SEC22A: variants seen among roughly 807,000 people sequenced by gnomAD.
SEC22A encodes the protein SEC22 homolog A, vesicle trafficking protein, also known as vesicle-trafficking protein SEC22a.
In SEC22A, 22 loss-of-function variants were observed where a neutral mutation model predicts 35.3. The ratio of observed to expected loss-of-function variants is 0.62; its 90% CI spans 0.45 to 0.89. SEC22A has a LOEUF of 0.89. Ranked by LOEUF, SEC22A falls within the 40% of genes least tolerant of loss-of-function variation. The pLI is 0.00. For missense variants in SEC22A, 354 were observed against 362.5 expected (o/e 0.98, Z 0.19); for synonymous variants, 119 against 129.5 (o/e 0.92, Z 0.55).
In SEC22A at chr3:123,212,034, C is replaced by T. The variant is rs115750193; in HGVS notation, c.182+2635C>T. ...ATCTCACCCCTGCATTCCAGGGTGA[C>T]AGAGCAAGACCCTGTCTCAAAAAAT... On this transcript the variant is annotated intron_variant, in intron 2 of 6. Transcript: ENST00000492595. Among the ~76,000 whole-genome samples the T allele has an allele frequency of 5.8e-3, 883 of 152,108 alleles. 8 individuals are homozygous for T. Among genetic ancestry groups the T allele is most frequent in the African/African-American group, 0.02 (830 of 41,500 alleles).
chr3:123,215,530 C>T (rs947376545), intron 2 of SEC22A, among the ~76,000 whole-genome samples: 1 of 152,082 alleles, frequency 6.6e-6, no homozygotes, highest in African/African-American at 2.4e-5. Flanking sequence ...TACAGAATGG[C>T]GCTGAAGGTA....
chr3:123,223,207 C>A (rs1185195227), intron 2 of SEC22A, among the ~76,000 whole-genome samples: 1 of 152,130 alleles, frequency 6.6e-6, no homozygotes, highest in African/African-American at 2.4e-5. Context: ...GGGTTCTGGA[C>A]TCAAAAGTGG....
At chr3:123,230,362 G>A (rs1270108902) in intron 4 of SEC22A, among the ~76,000 whole-genome samples, 1 of 151,988 alleles carries the variant, frequency 6.6e-6, no homozygotes, top group Non-Finnish European at 1.5e-5. Flanking sequence ...AATGAAGGAA[G>A]CCAGAAAGAT....
chr3:123,249,783 C>G (rs958845261), intron 5 of SEC22A, among the ~76,000 whole-genome samples: 3 of 152,116 alleles, frequency 2.0e-5, no homozygotes, highest in African/African-American at 7.2e-5. Flanking sequence ...CTTGGCCTCC[C>G]AAAGTGCTGG....
chr3:123,255,836 A>G (rs1210360701), intron 5 of SEC22A, among the ~76,000 whole-genome samples: 1 of 151,952 alleles, frequency 6.6e-6, no homozygotes, highest in African/African-American at 2.4e-5. Context: ...CTTATTTTGA[A>G]AGAATTCAAA....
Position 123,245,881 on chromosome 3 carries a change from A to G in SEC22A, c.542-18A>G, listed in dbSNP as rs1471831081. 1 of 1,416,136 alleles carries G rather than the reference A, an allele frequency of 7.1e-7. No individual in the cohort carries two copies. Among genetic ancestry groups the G allele is most frequent in the Admixed American group, 1.7e-5 (1 of 57,702 alleles). The allele number at this position is 1,416,136 out of a possible 1,614,324, so 87.7% of individuals were successfully genotyped here. On this transcript the variant is annotated intron_variant, in intron 4 of 6. Transcript: ENST00000492595. ...GAGGTATTGGTGTTCATTTCTAACT[A>G]TTTCTTTTATTTTCCAGCTCACCAG...
chr3:123,209,632 A>G (rs931403743), intron 2 of SEC22A, among the ~76,000 whole-genome samples: 1 of 152,180 alleles, frequency 6.6e-6, no homozygotes, highest in African/African-American at 2.4e-5. Context: ...TCCCTCTTTT[A>G]AGTTGATCAC....
intron 4 of SEC22A, among the ~76,000 whole-genome samples, chr3:123,236,464 A>T (rs1330440405): frequency 6.6e-6 from 1 of 152,328 alleles, no homozygotes; most frequent in Non-Finnish European, 1.5e-5. Flanking sequence ...AGGCCCAGAG[A>T]GATGAGCCCA....
In SEC22A at chr3:123,221,934, G is replaced by A. The variant is rs1054791438; in HGVS notation, c.183-1625G>A. 1.1e-4 allele frequency among the ~76,000 whole-genome samples: 17 copies of A among 151,786 alleles called. 1 individual carries two copies. The East Asian group carries it at 3.3e-3, about 29-fold the overall frequency. ...TTTTTTTTTCCTGAACCATTTGAGAGAAACTTATAAATACCATGCCCCTTT... is the reference window on the plus strand; with the variant it reads ...TTTTTTTTTCCTGAACCATTTGAGAAAAACTTATAAATACCATGCCCCTTT... On this transcript the variant is annotated intron_variant, in intron 2 of 6. Transcript: ENST00000492595.
chr3:123,216,809 G>A (rs545096644), intron 2 of SEC22A, among the ~76,000 whole-genome samples: 4 of 152,240 alleles, frequency 2.6e-5, no homozygotes, highest in Middle Eastern at 6.8e-3. Context: ...CTTTGTTAAT[G>A]TTGAGCCCCT....
intron 6 of SEC22A, among the ~76,000 whole-genome samples, chr3:123,261,237 G>A (rs913791947): frequency 1.3e-5 from 2 of 152,166 alleles, no homozygotes; most frequent in Non-Finnish European, 2.9e-5. Flanking sequence ...TGCAGGAAAT[G>A]TGAAAACATA....
rs1553709865 is a variant in SEC22A at position 123,225,315 on chromosome 3, G to A, written c.541+18G>A. 1.4e-6 allele frequency: 2 copies of A among 1,460,484 alleles called. No individual in the cohort carries two copies. The highest frequency in any genetic ancestry group is 1.9e-6 in the Non-Finnish European group (2 of 1,079,954). The allele number at this position is 1,460,484 out of a possible 1,614,324, so 90.5% of individuals were successfully genotyped here. A position where few individuals can be genotyped will look rare whatever the true frequency, so the allele number is the denominator to read the frequency against. On this transcript the variant is annotated intron_variant, in intron 4 of 6. Transcript: ENST00000492595. Reference sequence around the variant, plus strand: ...TTCTTCTGGTGAGTTCTGGATCTCAGTTATTTTATTTTAAAAAAATCCTTG... The same window carrying A: ...TTCTTCTGGTGAGTTCTGGATCTCAATTATTTTATTTTAAAAAAATCCTTG...
chr3:123,241,921 A>G (rs1048188167), intron 4 of SEC22A, among the ~76,000 whole-genome samples: 2 of 151,522 alleles, frequency 1.3e-5, no homozygotes, highest in African/African-American at 4.9e-5. Context: ...TATTTGTGAG[A>G]TCTAAAAAGC....
At chr3:123,245,501 C>T (rs1352790698) in intron 4 of SEC22A, among the ~76,000 whole-genome samples, 1 of 152,006 alleles carries the variant, frequency 6.6e-6, no homozygotes, top group Non-Finnish European at 1.5e-5. Context: ...TCAAGACCAG[C>T]TTGGGCAACA....
chr3:123,206,458 T>G (rs942075108), intron 1 of SEC22A, among the ~76,000 whole-genome samples: 2 of 152,200 alleles, frequency 1.3e-5, no homozygotes, highest in African/African-American at 4.8e-5. Flanking sequence ...GTTATTGTGT[T>G]GCAGTGTACT....
At chr3:123,217,148 T>G (rs1937041968) in intron 2 of SEC22A, among the ~76,000 whole-genome samples, 1 of 152,020 alleles carries the variant, frequency 6.6e-6, no homozygotes, top group Non-Finnish European at 1.5e-5. Flanking sequence ...ATTTTAAAGT[T>G]TCAACACTTT....
intron 5 of SEC22A, among the ~76,000 whole-genome samples, chr3:123,253,726 A>AAAAG (rs1194284923): frequency 1.3e-5 from 2 of 151,352 alleles, no homozygotes; most frequent in African/African-American, 4.9e-5. Context: ...AAAAAAAAAA[A>AAAAG]AAAGAAAGAA....
intron 2 of SEC22A, among the ~76,000 whole-genome samples, chr3:123,217,044 G>T (rs7646286): frequency 6.6e-6 from 1 of 151,966 alleles, no homozygotes; most frequent in South Asian, 2.1e-4. Context: ...GTCTAGGCTG[G>T]TCTCTAACTC....
In SEC22A at chr3:123,272,328, A is replaced by G. The variant is rs1309013077; in HGVS notation, c.*606A>G. The G allele has an allele frequency of 6.6e-6, 1 of 152,292 alleles. No homozygotes were observed. Among genetic ancestry groups the G allele is most frequent in the Non-Finnish European group, 1.5e-5 (1 of 68,108 alleles). 9.4% of individuals were successfully genotyped at this position (152,292 alleles called of 1,614,324 possible). A position where few individuals can be genotyped will look rare whatever the true frequency, so the allele number is the denominator to read the frequency against. The stretch of plus-strand genomic sequence containing the variant: ...GTGATGAGCTCGTCTGTGGAACATC[A>G]CAAGTATCGAAAATACAGTAATGGA... On this transcript the variant is annotated 3_prime_UTR_variant, in exon 7 of 7. Transcript: ENST00000492595.
Sources: gnomAD v4.1 joint callset for allele counts (sites outside exome capture counted in the v4.1 genomes callset) on GRCh38, gnomAD v4.1.1 for gene constraint, MANE v1.5 for transcripts, NCBI Gene and HGNC (gene_info 2026-07-23, HGNC 2026-07-21) for gene names.